BCKDHB: variants seen among roughly 807,000 people sequenced by gnomAD.
BCKDHB encodes branched chain keto acid dehydrogenase E1 subunit beta, also known as 2-oxoisovalerate dehydrogenase subunit beta, mitochondrial.
BCKDHB carries 41 observed loss-of-function variants against 48.5 expected under a neutral mutation model. That is an observed-to-expected ratio of 0.85 (90% confidence interval 0.66 to 1.10). The LOEUF (loss-of-function observed/expected upper bound fraction) is 1.10. Ranked by LOEUF, BCKDHB falls within the 50% of genes least tolerant of loss-of-function variation. The probability of loss-of-function intolerance (pLI) is 0.00; values close to 1 mark genes in which losing one functional copy is unlikely to be tolerated. For synonymous variants in BCKDHB, 201 were observed against 174.8 expected, an observed-to-expected ratio of 1.15 and a Z score of -1.18; for missense variants, 496 against 494.2, an observed-to-expected ratio of 1.00 and a Z score of -0.03.
chr6:80,437,692 C>A, the BCKDHB span, among the ~76,000 whole-genome samples: 1 of 152,170 alleles, frequency 6.6e-6, no homozygotes, highest in African/African-American at 2.4e-5. Context: ...TTCTTTGATG[C>A]TCATGGTTTT....
intron 3 of BCKDHB, among the ~76,000 whole-genome samples, chr6:80,137,278 T>C (rs1473583790): frequency 2.0e-5 from 3 of 152,230 alleles, no homozygotes; most frequent in Non-Finnish European, 4.4e-5. Flanking sequence ...ACGGTCACTG[T>C]ATTTTACTTT....
chr6:80,374,547 C>G, the BCKDHB span: 1 of 707,502 alleles, frequency 1.4e-6, no homozygotes, highest in African/African-American at 1.7e-5. Flanking sequence ...GGGGTTCTCC[C>G]GGTCAAGTGT....
Position 80,200,917 on chromosome 6 carries a change from T to G in BCKDHB, c.743-17T>G. ...CAGAAAAAATGTCCTTTTTTTTTTT[T>G]CCTGTTCTGTATTTAGCGGAAGAAG... On this transcript the variant is annotated splice_polypyrimidine_tract_variant and intron_variant, in intron 6 of 9. Coordinates refer to ENST00000320393, the MANE Select transcript of BCKDHB (RefSeq NM_183050.4). 2 of 1,567,382 alleles carry G rather than the reference T, an allele frequency of 1.3e-6. No individual in the cohort carries two copies. The highest frequency in any genetic ancestry group is 2.7e-5 in the African/African-American group (2 of 73,858).
At chr6:80,320,100 A>G (rs1002006820) in intron 9 of BCKDHB, among the ~76,000 whole-genome samples, 1 of 152,180 alleles carries the variant, frequency 6.6e-6, no homozygotes, top group Non-Finnish European at 1.5e-5. Flanking sequence ...TAAATAAGTT[A>G]TTTTTCCTAC....
downstream of BCKDHB, among the ~76,000 whole-genome samples, chr6:80,350,800 CTTAT>C (rs1244586600): frequency 6.6e-6 from 1 of 152,072 alleles, no homozygotes; most frequent in Non-Finnish European, 1.5e-5. Flanking sequence ...CATTTATCTA[CTTAT>C]TTATCATGGG....
chr6:80,349,768 A>G (rs979683840), downstream of BCKDHB, among the ~76,000 whole-genome samples: 3 of 152,196 alleles, frequency 2.0e-5, no homozygotes, highest in African/African-American at 4.8e-5. Context: ...AATGTGTAGT[A>G]TTAAAATACA....
rs1278918148 is a variant in BCKDHB, at chr6:80,312,911, G to A, written c.1039-30753G>A. On this transcript the variant is annotated intron_variant, in intron 9 of 9. Coordinates refer to ENST00000320393, the MANE Select transcript of BCKDHB (RefSeq NM_183050.4). The stretch of plus-strand genomic sequence containing the variant: ...GTTTTTTGTTGTTGTATCTCTTCCA[G>A]GTTTTGGTATCAGGATGATGCTGGC... Among the ~76,000 whole-genome samples the A allele has an allele frequency of 2.0e-5, 3 of 152,008 alleles. No individual in the cohort carries two copies. The South Asian group carries it at 6.2e-4, about 31-fold the overall frequency.
chr6:80,327,930 C>A (rs1311126862), intron 9 of BCKDHB, among the ~76,000 whole-genome samples: 1 of 147,838 alleles, frequency 6.8e-6, no homozygotes, highest in African/African-American at 2.5e-5. Context: ...CCTCCCCTCC[C>A]TCCCTTCCTT....
rs149437832 is a variant in BCKDHB at position 80,192,041 on chromosome 6, G to A, written c.743-8893G>A. Among the ~76,000 whole-genome samples the A allele has an allele frequency of 1.4e-3, 219 of 152,208 alleles. 1 individual carries two copies. Among genetic ancestry groups the A allele is most frequent in the African/African-American group, 4.7e-3 (194 of 41,558 alleles). On this transcript the variant is annotated intron_variant, in intron 6 of 9. Coordinates refer to ENST00000320393, the MANE Select transcript of BCKDHB (RefSeq NM_183050.4). ...CATTTGGATTTCTTCATGAATTTTA[G>A]GAATTGATTAAACCAACTTATTTTG...
chr6:80,436,270 C>T, the BCKDHB span, among the ~76,000 whole-genome samples: 34 of 149,874 alleles, frequency 2.3e-4, 1 homozygote, highest in Admixed American at 2.1e-3. Flanking sequence ...GCCATTCTCC[C>T]GTCTCAGCCT....
intron 9 of BCKDHB, among the ~76,000 whole-genome samples, chr6:80,297,781 A>G (rs770865738): frequency 2.6e-5 from 4 of 152,166 alleles, no homozygotes; most frequent in African/African-American, 9.7e-5. Context: ...CATAACTGCC[A>G]TTAGCTAGCC....
chr6:80,221,415 A>G, intron 8 of BCKDHB, among the ~76,000 whole-genome samples: 1 of 152,164 alleles, frequency 6.6e-6, no homozygotes, highest in South Asian at 2.1e-4. Context: ...TCAGTCTGTC[A>G]TCTTGAACTG....
At chr6:80,369,966 CT>C in the BCKDHB span, among the ~76,000 whole-genome samples, 1 of 152,120 alleles carries the variant, frequency 6.6e-6, no homozygotes, top group Non-Finnish European at 1.5e-5. Flanking sequence ...TTGAGTTTCT[CT>C]CTTACTATTG....
chr6:80,282,206 C>G lies in BCKDHB; in HGVS notation c.1038+8985C>G, dbSNP rs554979026. ...CCAGCAAACATGAAAAAATATGCCA[C>G]TTACTATTGATAAAATGCTAATTTT... On this transcript the variant is annotated intron_variant, in intron 9 of 9. Transcript: ENST00000320393. Among the ~76,000 whole-genome samples the G allele has an allele frequency of 2.0e-3, 312 of 152,220 alleles. 3 individuals are homozygous for G. The highest frequency in any genetic ancestry group is 7.4e-3 in the African/African-American group (307 of 41,550).
intron 9 of BCKDHB, among the ~76,000 whole-genome samples, chr6:80,291,800 T>A (rs760822531): frequency 6.6e-6 from 1 of 152,222 alleles, no homozygotes; most frequent in Non-Finnish European, 1.5e-5. Context: ...TGAAACATAA[T>A]TTTTTTCGTC....
chr6:80,456,995 T>A, the BCKDHB span, among the ~76,000 whole-genome samples: 733 of 152,346 alleles, frequency 4.8e-3, 5 homozygotes, highest in African/African-American at 0.017. Context: ...ACTGTTTTTT[T>A]AAATAATAAA....
the BCKDHB span, among the ~76,000 whole-genome samples, chr6:80,421,471 A>G: frequency 6.6e-6 from 1 of 152,224 alleles, no homozygotes; most frequent in Non-Finnish European, 1.5e-5. Flanking sequence ...AAACTGGGTA[A>G]TAGGCAGAGG....
At chr6:80,298,460 C>T (rs1275391243) in intron 9 of BCKDHB, among the ~76,000 whole-genome samples, 1 of 152,158 alleles carries the variant, frequency 6.6e-6, no homozygotes, top group Non-Finnish European at 1.5e-5. Flanking sequence ...GCCAATATGT[C>T]TGGCTTTTGG....
the BCKDHB span, among the ~76,000 whole-genome samples, chr6:80,400,877 T>C: frequency 6.6e-6 from 1 of 151,962 alleles, no homozygotes; most frequent in Non-Finnish European, 1.5e-5. Context: ...CAGAATACTA[T>C]GAAGCCATAA....
Sources: allele counts gnomAD v4.1 joint callset (sites outside exome capture counted in the v4.1 genomes callset), GRCh38; gene constraint gnomAD v4.1.1; transcripts MANE v1.5; gene names NCBI Gene and HGNC (gene_info 2026-07-23, HGNC 2026-07-21).